Variants in ZIM2 observed in about 807,000 individuals in gnomAD.
ZIM2 encodes zinc finger imprinted 2.
In ZIM2, 14 loss-of-function variants were observed where a neutral mutation model predicts 38.6. The observed-to-expected ratio is 0.36, with a 90% CI of 0.24 to 0.57. The LOEUF (loss-of-function observed/expected upper bound fraction) is 0.57. Ranked by LOEUF, ZIM2 falls within the 20% of genes least tolerant of loss-of-function variation. ZIM2 has a pLI of 0.81. For missense variants in ZIM2, 680 were observed against 695.1 expected (o/e 0.98, Z 0.24); for synonymous variants, 247 against 245.8 (o/e 1.00, Z -0.04).
At chr19:56,817,035 C>T (rs1204398604) in intron 9 of ZIM2, 13 of 1,614,108 alleles carry the variant, frequency 8.1e-6, no homozygotes, top group East Asian at 2.2e-5. Flanking sequence ...TGATCTGGTG[C>T]TCAACAAATT....
chr19:56,816,613 G>C (rs1383833350), intron 9 of ZIM2: 1 of 1,613,784 alleles, frequency 6.2e-7, no homozygotes, highest in Admixed American at 1.7e-5. Context: ...GGCTGGGCTG[G>C]GCCTAAAGGT....
chr19:56,811,327 C>T, intron 9 of ZIM2: 1 of 899,512 alleles, frequency 1.1e-6, no homozygotes. Context: ...TTTAAATGAA[C>T]TGTTAAATGA....
At chr19:56,783,797 C>G (rs1265899633) in intron 10 of ZIM2, among the ~76,000 whole-genome samples, 1 of 152,066 alleles carries the variant, frequency 6.6e-6, no homozygotes, top group Non-Finnish European at 1.5e-5. Flanking sequence ...ACCTTTGTAA[C>G]AAACCTGCAC....
rs143437349 is a variant in ZIM2 at position 56,808,255 on chromosome 19, C to G, written c.490+9491G>C. ...ATGCTGGGCATACAGAAGAGCTATC[C>G]TGGACAATTCACCCTTTGGCTTTGT... On this transcript the variant is annotated intron_variant, in intron 9 of 12. Coordinates refer to ENST00000629319, the MANE Select transcript of ZIM2 (RefSeq NM_001387356.1). 7.0e-3 allele frequency among the ~76,000 whole-genome samples: 1,068 copies of G among 152,258 alleles called. 10 individuals carry two copies. The highest frequency in any genetic ancestry group is 0.025 in the African/African-American group (1,022 of 41,526).
At chr19:56,794,414 C>T (rs962561254) in intron 9 of ZIM2, among the ~76,000 whole-genome samples, 1 of 152,144 alleles carries the variant, frequency 6.6e-6, no homozygotes, top group Admixed American at 6.5e-5. Flanking sequence ...CTTTTCTTAT[C>T]CCCACTAAAA....
At chr19:56,807,546 C>T (rs755991504) in intron 9 of ZIM2, among the ~76,000 whole-genome samples, 6 of 152,168 alleles carry the variant, frequency 3.9e-5, no homozygotes, top group South Asian at 4.2e-4. Flanking sequence ...CAGTGGCTCA[C>T]GCCTGTAATC....
intron 5 of ZIM2, among the ~76,000 whole-genome samples, chr19:56,823,083 A>G (rs1184901443): frequency 6.6e-6 from 1 of 152,218 alleles, no homozygotes; most frequent in Non-Finnish European, 1.5e-5. Flanking sequence ...TCAGTCCAGT[A>G]GCTAACCCCC....
At chr19:56,812,297 G>A (rs1201311698) in intron 9 of ZIM2, 27 of 981,500 alleles carry the variant, frequency 2.8e-5, no homozygotes, top group Non-Finnish European at 3.3e-5. Flanking sequence ...ACTAAGATTA[G>A]ATGAACACAA....
intron 9 of ZIM2, chr19:56,817,252 T>C: frequency 6.2e-7 from 1 of 1,614,102 alleles, no homozygotes; most frequent in Non-Finnish European, 8.5e-7. Context: ...CCCATCTGTG[T>C]CAAAATGATA....
chr19:56,811,426 T>C (rs1035923243), intron 9 of ZIM2: 1 of 911,498 alleles, frequency 1.1e-6, no homozygotes, highest in Non-Finnish European at 1.3e-6. Flanking sequence ...TGTAAATATA[T>C]TTCCACGTTG....
chr19:56,789,915 C>G lies in ZIM2; in HGVS notation c.527G>C (p.Arg176Thr), dbSNP rs1187592938. 1 of 1,581,742 alleles carries G rather than the reference C, an allele frequency of 6.3e-7. No individual in the cohort carries two copies. The highest frequency in any genetic ancestry group is 1.7e-5 in the Admixed American group (1 of 59,214). ...CAGATTGTCTAACATCTCTGTGTTCCTCTTTTCTGCAGGGACAGAGTCCTG... is the reference window on the plus strand; with the variant it reads ...CAGATTGTCTAACATCTCTGTGTTCGTCTTTTCTGCAGGGACAGAGTCCTG... ...LAQDSVPAEK[R>T]NTEMLDNLPS... Residue 176 changes from arginine to threonine, a missense_variant, in exon 10 of 13, where the codon AGG becomes ACG. Coordinates refer to ENST00000629319, the MANE Select transcript of ZIM2 (RefSeq NM_001387356.1).
chr19:56,799,177 A>G (rs1280083447), intron 9 of ZIM2: 20 of 152,186 alleles, frequency 1.3e-4, no homozygotes, highest in Admixed American at 1.3e-3. Flanking sequence ...ATTGCAAAAT[A>G]GCAAAAACAT....
intron 9 of ZIM2, chr19:56,813,803 C>G (rs199961932): frequency 6.2e-7 from 1 of 1,614,030 alleles, no homozygotes; most frequent in Non-Finnish European, 8.5e-7. Context: ...CTGGCACGTT[C>G]GATGTAGCCT....
chr19:56,822,730 G>A, intron 6 of ZIM2, 23 bp downstream of exon 6: 1 of 1,613,276 alleles, frequency 6.2e-7, no homozygotes, highest in Non-Finnish European at 8.5e-7. Flanking sequence ...CTCCTACTGG[G>A]AAAGAAAGTG....
chr19:56,813,436 G>T (rs1388358213), intron 9 of ZIM2: 1 of 1,334,492 alleles, frequency 7.5e-7, no homozygotes, highest in African/African-American at 1.5e-5. Flanking sequence ...ACTTGGAAAG[G>T]TAAGATGTGT....
chr19:56,810,619 CAA>C (rs1370530648), intron 9 of ZIM2: 1 of 924,456 alleles, frequency 1.1e-6, no homozygotes, highest in Admixed American at 6.2e-5. Context: ...ACCAAAACAC[CAA>C]AGATTATTTA....
intron 2 of ZIM2, chr19:56,833,374 G>A: frequency 2.8e-6 from 1 of 354,846 alleles, no homozygotes; most frequent in Non-Finnish European, 5.5e-6. Context: ...ACAGCGTGGT[G>A]TGTGGTCTCG....
At chr19:56,789,338 C>T (rs1428071952) in intron 10 of ZIM2, among the ~76,000 whole-genome samples, 1 of 152,202 alleles carries the variant, frequency 6.6e-6, no homozygotes, top group Non-Finnish European at 1.5e-5. Context: ...GCAGTAACTG[C>T]ACTACCTTAG....
intron 9 of ZIM2, chr19:56,813,302 T>C: frequency 1.1e-6 from 1 of 951,866 alleles, no homozygotes. Context: ...CACTGTTCTG[T>C]CATAATTTGC....
Sources: allele counts gnomAD v4.1 joint callset (sites outside exome capture counted in the v4.1 genomes callset), GRCh38; gene constraint gnomAD v4.1.1; transcripts MANE v1.5; gene names NCBI Gene and HGNC (gene_info 2026-07-23, HGNC 2026-07-21).